The following MECOM variants were observed in gnomAD, a reference collection of about 807,000 sequenced individuals.
MECOM encodes MDS1 and EVI1 complex locus, also known as histone-lysine N-methyltransferase MECOM.
A neutral mutation model predicts 116.3 loss-of-function variants in MECOM; 13 were observed. The observed-to-expected ratio is 0.11, with a 90% CI of 0.07 to 0.18. The LOEUF (loss-of-function observed/expected upper bound fraction) is 0.18. Ranked by LOEUF, MECOM falls within the 10% of genes least tolerant of loss-of-function variation. The pLI, the probability that MECOM is intolerant of heterozygous loss-of-function variation, is 1.00. For synonymous variants in MECOM, 528 were observed against 535.2 expected (o/e 0.99, Z 0.19); for missense variants, 1,299 against 1,509.0 (o/e 0.86, Z 2.31).
chr3:169,341,914 T>C (rs1577781715), intron 2 of MECOM, among the ~76,000 whole-genome samples: 1 of 152,260 alleles, frequency 6.6e-6, no homozygotes, highest in East Asian at 1.9e-4. Flanking sequence ...GATGTGCTTA[T>C]TTCACATTGT....
chr3:169,613,468 A>AT (rs1204238497), intron 1 of MECOM: 1 of 152,160 alleles, frequency 6.6e-6, no homozygotes, highest in Non-Finnish European at 1.5e-5. Context: ...ATTGTCACTA[A>AT]TTAATGCTCC....
chr3:169,102,835 A>G (rs1420260571), intron 10 of MECOM, among the ~76,000 whole-genome samples: 1 of 152,084 alleles, frequency 6.6e-6, no homozygotes, highest in Non-Finnish European at 1.5e-5. Context: ...AAGAATTTTG[A>G]TTAAATATTA....
intron 2 of MECOM, among the ~76,000 whole-genome samples, chr3:169,184,025 C>T (rs190035430): frequency 2.0e-5 from 3 of 151,830 alleles, no homozygotes; most frequent in East Asian, 1.9e-4. Context: ...CCACCACACC[C>T]GGCTAATTTT....
At chr3:169,147,785 G>T in intron 2 of MECOM, 3 of 916,270 alleles carry the variant, frequency 3.3e-6, no homozygotes, top group Non-Finnish European at 3.9e-6. Flanking sequence ...AGAGATGGGG[G>T]ATGGGAGGGA....
At chr3:169,250,240 C>A (rs982092655) in intron 2 of MECOM, among the ~76,000 whole-genome samples, 1 of 152,134 alleles carries the variant, frequency 6.6e-6, no homozygotes, top group Non-Finnish European at 1.5e-5. Context: ...AATTAATGAC[C>A]CATGCATTCT....
chr3:169,241,181 C>A (rs777728464), intron 2 of MECOM, among the ~76,000 whole-genome samples: 6 of 152,026 alleles, frequency 3.9e-5, no homozygotes, highest in Non-Finnish European at 7.4e-5. Context: ...TATTTTGTGA[C>A]CATAGTCATT....
intron 2 of MECOM, among the ~76,000 whole-genome samples, chr3:169,166,843 G>C (rs1324243890): frequency 6.6e-6 from 1 of 152,140 alleles, no homozygotes; most frequent in East Asian, 1.9e-4. Flanking sequence ...TTGATTGATT[G>C]AGACAGGATT....
chr3:169,319,236 T>G (rs1720379504), intron 2 of MECOM, among the ~76,000 whole-genome samples: 1 of 152,196 alleles, frequency 6.6e-6, no homozygotes, highest in South Asian at 2.1e-4. Context: ...CATGCAATAC[T>G]ATGCAGCCAT....
intron 1 of MECOM, among the ~76,000 whole-genome samples, chr3:169,652,241 G>A (rs1197187946): frequency 2.0e-5 from 3 of 152,206 alleles, no homozygotes; most frequent in Non-Finnish European, 4.4e-5. Flanking sequence ...GGACCCAAAA[G>A]AAGGTCATGA....
chr3:169,562,176 G>GA (rs10714324), intron 1 of MECOM, among the ~76,000 whole-genome samples: 10 of 87,130 alleles, frequency 1.1e-4, no homozygotes, highest in South Asian at 4.1e-4. Flanking sequence ...AAGAAAGAAA[G>GA]AAAAAAAAAA....
rs59298003 is a variant in MECOM at position 169,314,634 on chromosome 3, T to G, written c.375+66553A>C. ...AATAAAAGATGCCCAAGAATGAAAG[T>G]GGGAAAGAGAAGAAAAGGGAAAAGA... On this transcript the variant is annotated intron_variant, in intron 2 of 16. Coordinates refer to ENST00000651503, the MANE Select transcript of MECOM (RefSeq NM_004991.4). Among the ~76,000 whole-genome samples, 7 of 149,440 alleles carry G rather than the reference T, an allele frequency of 4.7e-5. No individual in the cohort carries two copies. In the East Asian group the frequency reaches 1.4e-3, roughly 29 times the overall value.
chr3:169,406,093 A>T (rs1486860310), intron 1 of MECOM, among the ~76,000 whole-genome samples: 1 of 152,228 alleles, frequency 6.6e-6, no homozygotes, highest in Non-Finnish European at 1.5e-5. Context: ...TATCTCATAC[A>T]TACACTTTGA....
At chr3:169,093,656 A>C (rs992096735) in intron 13 of MECOM, among the ~76,000 whole-genome samples, 7 of 152,204 alleles carry the variant, frequency 4.6e-5, no homozygotes, top group African/African-American at 1.7e-4. Flanking sequence ...TAAAAGGACA[A>C]TATTAGATAT....
intron 2 of MECOM, among the ~76,000 whole-genome samples, chr3:169,378,486 A>C (rs1366415000): frequency 0.066 from 2,811 of 42,560 alleles, 355 homozygotes; most frequent in Admixed American, 0.18. Flanking sequence ...AGAAAGAGAG[A>C]GAGAAAGAAA....
chr3:169,426,998 C>A (rs1740822143), intron 1 of MECOM, among the ~76,000 whole-genome samples: 1 of 152,090 alleles, frequency 6.6e-6, no homozygotes, highest in South Asian at 2.1e-4. Flanking sequence ...GAGAAATCTA[C>A]ATTCAGAGCC....
At chr3:169,303,739 T>C (rs1417664364) in intron 2 of MECOM, among the ~76,000 whole-genome samples, 1 of 152,248 alleles carries the variant, frequency 6.6e-6, no homozygotes, top group African/African-American at 2.4e-5. Context: ...TCCAGTGAAT[T>C]GGAAGCTTTA....
intron 3 of MECOM, among the ~76,000 whole-genome samples, chr3:169,132,745 TTTTTC>T (rs1735141285): frequency 6.8e-6 from 1 of 146,864 alleles, no homozygotes; most frequent in Admixed American, 6.8e-5. Context: ...ATCAATCTCT[TTTTTC>T]TTTTCTTTTT....
chr3:169,472,271 G>A (rs1467664756), intron 1 of MECOM, among the ~76,000 whole-genome samples: 1 of 149,034 alleles, frequency 6.7e-6, no homozygotes, highest in Non-Finnish European at 1.5e-5. Context: ...CTATAATATT[G>A]TGTAAAAAAA....
chr3:169,087,426 AT>A (rs1184242584), intron 16 of MECOM, among the ~76,000 whole-genome samples: 1 of 151,982 alleles, frequency 6.6e-6, no homozygotes, highest in African/African-American at 2.4e-5. Context: ...GTGAAACCCC[AT>A]CTCTACACAA....
Sources: allele counts gnomAD v4.1 joint callset (sites outside exome capture counted in the v4.1 genomes callset), GRCh38; gene constraint gnomAD v4.1.1; transcripts MANE v1.5; gene names NCBI Gene and HGNC (gene_info 2026-07-23, HGNC 2026-07-21).